The following KCNH1 variants were observed in gnomAD, a reference collection of about 807,000 sequenced individuals.
KCNH1 encodes voltage-gated delayed rectifier potassium channel KCNH1.
A neutral mutation model predicts 69.2 loss-of-function variants in KCNH1; 27 were observed. The observed-to-expected ratio is 0.39, with a 90% CI of 0.29 to 0.54. KCNH1 has a LOEUF of 0.54. Among genes scored for constraint, KCNH1 ranks in the 20% least tolerant of loss-of-function variants. KCNH1 has a pLI of 0.68. For missense variants in KCNH1, 798 were observed against 1,261.6 expected, an observed-to-expected ratio of 0.63 and a Z score of 5.57; for synonymous variants, 456 against 487.7, an observed-to-expected ratio of 0.93 and a Z score of 0.86.
chr1:210,774,498 C>T (rs1210678022), intron 10 of KCNH1, among the ~76,000 whole-genome samples: 3 of 152,112 alleles, frequency 2.0e-5, no homozygotes, highest in African/African-American at 7.2e-5. Context: ...CAGGACAAAT[C>T]AGACAATGTA....
intron 1 of KCNH1, among the ~76,000 whole-genome samples, chr1:211,110,108 A>AT (rs1691431364): frequency 6.6e-6 from 1 of 152,138 alleles, no homozygotes; most frequent in Admixed American, 6.5e-5. Context: ...AACATGAGAA[A>AT]AGGCCAGAGG....
intron 6 of KCNH1, among the ~76,000 whole-genome samples, chr1:210,995,771 C>A (rs1237550052): frequency 3.9e-5 from 6 of 152,160 alleles, no homozygotes; most frequent in Non-Finnish European, 8.8e-5. Context: ...GATTTTGCCA[C>A]TAAATAGGTT....
At chr1:210,720,786 C>G (rs2149026411) in intron 10 of KCNH1, among the ~76,000 whole-genome samples, 1 of 152,248 alleles carries the variant, frequency 6.6e-6, no homozygotes, top group South Asian at 2.1e-4. Flanking sequence ...TCTTTCATAA[C>G]CAGGGATAGG....
chr1:210,834,651 T>C (rs1344798794), intron 7 of KCNH1, among the ~76,000 whole-genome samples: 1 of 149,304 alleles, frequency 6.7e-6, no homozygotes, highest in Admixed American at 6.7e-5. Flanking sequence ...AACCTGCACA[T>C]TGTGCACATG....
chr1:210,767,139 G>A (rs1209543964), intron 10 of KCNH1, among the ~76,000 whole-genome samples: 1 of 152,148 alleles, frequency 6.6e-6, no homozygotes, highest in Non-Finnish European at 1.5e-5. Context: ...TGTAAAATTT[G>A]GCTAGGCCAA....
intron 7 of KCNH1, among the ~76,000 whole-genome samples, chr1:210,849,769 C>G (rs554032770): frequency 1.3e-5 from 2 of 152,114 alleles, no homozygotes; most frequent in South Asian, 2.1e-4. Flanking sequence ...CTACCCCACC[C>G]CTTTCCCAAA....
At chr1:211,115,196 T>C (rs1360423564) in intron 1 of KCNH1, among the ~76,000 whole-genome samples, 1 of 152,134 alleles carries the variant, frequency 6.6e-6, no homozygotes, top group Non-Finnish European at 1.5e-5. Flanking sequence ...ACCATGTTGG[T>C]GAGGCAGTTC....
chr1:210,914,117 T>C (rs1574335297), intron 7 of KCNH1, among the ~76,000 whole-genome samples: 3 of 152,170 alleles, frequency 2.0e-5, no homozygotes, highest in Admixed American at 2.0e-4. Context: ...GAAAATTTTG[T>C]TGATGCCACT....
At chr1:211,024,346 T>C (rs1195849779) in intron 5 of KCNH1, among the ~76,000 whole-genome samples, 3 of 152,172 alleles carry the variant, frequency 2.0e-5, no homozygotes, top group Non-Finnish European at 4.4e-5. Flanking sequence ...TAAGTTTGTA[T>C]GGAAAAATTA....
At chr1:210,842,192 C>A (rs1049190387) in intron 7 of KCNH1, among the ~76,000 whole-genome samples, 68 of 152,280 alleles carry the variant, frequency 4.5e-4, no homozygotes, top group African/African-American at 1.6e-3. Flanking sequence ...TTGCTTACCT[C>A]CCCTACCATG....
intron 1 of KCNH1, among the ~76,000 whole-genome samples, chr1:211,113,990 A>T (rs1691521849): frequency 4.7e-5 from 7 of 150,424 alleles, no homozygotes; most frequent in African/African-American, 1.7e-4. Flanking sequence ...ACACACACAC[A>T]CACACACACA....
At chr1:210,894,485 G>T (rs1464716873) in intron 7 of KCNH1, among the ~76,000 whole-genome samples, 1 of 152,212 alleles carries the variant, frequency 6.6e-6, no homozygotes, top group East Asian at 1.9e-4. Flanking sequence ...TCATTCACAA[G>T]GGTTGATTAG....
chr1:210,906,196 C>A (rs1172880224), intron 7 of KCNH1, among the ~76,000 whole-genome samples: 1 of 152,220 alleles, frequency 6.6e-6, no homozygotes, highest in Admixed American at 6.5e-5. Flanking sequence ...AAGCCTCGTG[C>A]TCGGCTTATA....
intron 7 of KCNH1, among the ~76,000 whole-genome samples, chr1:210,818,425 A>C (rs1684861710): frequency 6.6e-6 from 1 of 152,198 alleles, no homozygotes; most frequent in Non-Finnish European, 1.5e-5. Flanking sequence ...AATCTACTGC[A>C]TCATAGTAAT....
intron 3 of KCNH1, among the ~76,000 whole-genome samples, chr1:211,091,795 T>C (rs755825539): frequency 6.6e-6 from 1 of 152,158 alleles, no homozygotes; most frequent in South Asian, 2.1e-4. Context: ...CACTCAGGTA[T>C]CAACAGTCAA....
intron 6 of KCNH1, among the ~76,000 whole-genome samples, chr1:210,997,770 G>A (rs1463211279): frequency 4.6e-5 from 7 of 152,114 alleles, no homozygotes; most frequent in Admixed American, 3.3e-4. Context: ...GAGAATGATC[G>A]GGTTATCCAC....
intron 7 of KCNH1, among the ~76,000 whole-genome samples, chr1:210,808,541 T>C (rs1291113886): frequency 6.6e-6 from 1 of 152,004 alleles, no homozygotes; most frequent in East Asian, 1.9e-4. Context: ...CAATGCCCCT[T>C]CCTTAATTTT....
intron 6 of KCNH1, among the ~76,000 whole-genome samples, chr1:210,986,113 T>C (rs573709883): frequency 7.9e-5 from 12 of 152,308 alleles, no homozygotes; most frequent in Admixed American, 7.2e-4. Context: ...AACCCCTGCC[T>C]TTTTTTGTTC....
At chr1:210,859,702 A>G in intron 7 of KCNH1, 2 of 1,239,488 alleles carry the variant, frequency 1.6e-6, no homozygotes, top group South Asian at 1.2e-5. Context: ...AAAAGCTGGC[A>G]AAATCTGTCC....
Sources: gnomAD v4.1 joint callset for allele counts (sites outside exome capture counted in the v4.1 genomes callset) on GRCh38, gnomAD v4.1.1 for gene constraint, MANE v1.5 for transcripts, NCBI Gene and HGNC (gene_info 2026-07-23, HGNC 2026-07-21) for gene names.